RFX8: variants seen among roughly 807,000 people sequenced by gnomAD.
The protein encoded by RFX8 is regulatory factor X8, also known as DNA-binding protein RFX8.
Under a neutral mutation model 54.6 loss-of-function variants are expected in RFX8, and 46 were observed. The ratio of observed to expected loss-of-function variants is 0.84; its 90% confidence interval spans 0.67 to 1.08. The LOEUF (loss-of-function observed/expected upper bound fraction) is 1.08, where lower values mean the gene tolerates loss of function less well. Among genes scored for constraint, RFX8 ranks in the 50% least tolerant of loss-of-function variants. The pLI is 0.00. For missense variants in RFX8, 536 were observed against 562.3 expected (o/e 0.95, Z 0.47); for synonymous variants, 192 against 209.5 (o/e 0.92, Z 0.72).
chr2:101,461,143 C>T (rs1227373905), intron 2 of RFX8, among the ~76,000 whole-genome samples: 15 of 151,226 alleles, frequency 9.9e-5, no homozygotes, highest in Middle Eastern at 3.4e-3. Flanking sequence ...GTAGCGGGCA[C>T]CTGTAGTCCC....
chr2:101,447,219 C>T (rs1423920489), intron 2 of RFX8, among the ~76,000 whole-genome samples: 2 of 151,916 alleles, frequency 1.3e-5, no homozygotes, highest in African/African-American at 4.8e-5. Flanking sequence ...ATCTGAACAA[C>T]GGCAGCAGCC....
chr2:101,417,311 C>T (rs148413289), intron 6 of RFX8, among the ~76,000 whole-genome samples: 1,582 of 152,262 alleles, frequency 0.01, 75 homozygotes, highest in Admixed American at 0.082. Context: ...CTCAAGTGAT[C>T]TTCCCGCCTC....
chr2:101,420,109 T>C (rs1388104383), intron 4 of RFX8, among the ~76,000 whole-genome samples: 1 of 152,216 alleles, frequency 6.6e-6, no homozygotes, highest in African/African-American at 2.4e-5. Context: ...GCTGCCTCTC[T>C]GTTCCACGAC....
chr2:101,463,736 C>T (rs1476104790), intron 2 of RFX8, among the ~76,000 whole-genome samples: 1 of 152,146 alleles, frequency 6.6e-6, no homozygotes, highest in Non-Finnish European at 1.5e-5. Context: ...GAAATAAGAA[C>T]TATACAGCCA....
At chr2:101,464,406 T>G (rs1433176807) in intron 2 of RFX8, among the ~76,000 whole-genome samples, 1 of 152,222 alleles carries the variant, frequency 6.6e-6, no homozygotes, top group Non-Finnish European at 1.5e-5. Context: ...ACATGCCCAG[T>G]ACCGCCACAA....
At chr2:101,413,401 G>T (rs949213957) in intron 7 of RFX8, among the ~76,000 whole-genome samples, 1 of 152,148 alleles carries the variant, frequency 6.6e-6, no homozygotes, top group Non-Finnish European at 1.5e-5. Flanking sequence ...TGCAAGGAAG[G>T]TGTAGGTAGA....
intron 9 of RFX8, among the ~76,000 whole-genome samples, chr2:101,408,156 G>A (rs1376672029): frequency 6.6e-6 from 1 of 152,230 alleles, no homozygotes; most frequent in Non-Finnish European, 1.5e-5. Flanking sequence ...GGACGACAGG[G>A]TTGGTAGTGA....
Position 101,466,648 on chromosome 2 carries a change from G to A in RFX8, c.72+129C>T. On this transcript the variant is annotated intron_variant, in intron 2 of 11. Transcript: ENST00000428343. ...TTAGCTGAAGGATGTTGACCAGCTG[G>A]TGGGAAGGAAGCCAAAGATACCCAC... 9.6e-6 allele frequency: 7 copies of A among 728,082 alleles called. No individual in the cohort carries two copies. In the East Asian group the frequency reaches 1.9e-4, roughly 20 times the overall value. The allele number at this position is 728,082 out of a possible 1,614,324, so 45.1% of individuals were successfully genotyped here. A position where few individuals can be genotyped will look rare whatever the true frequency, so the allele number is the denominator to read the frequency against.
At chr2:101,404,670 G>C (rs1252891062) in intron 10 of RFX8, among the ~76,000 whole-genome samples, 1 of 151,608 alleles carries the variant, frequency 6.6e-6, no homozygotes, top group Non-Finnish European at 1.5e-5. Context: ...CAAGAGATCT[G>C]TGTCCCTCAG....
intron 8 of RFX8, among the ~76,000 whole-genome samples, chr2:101,412,342 T>C (rs1558844474): frequency 6.6e-6 from 1 of 152,186 alleles, no homozygotes; most frequent in Non-Finnish European, 1.5e-5. Flanking sequence ...GCAAGCTCTT[T>C]ATGGAAGGGG....
At chr2:101,428,675 G>A (rs1035835979) in intron 2 of RFX8, among the ~76,000 whole-genome samples, 2 of 152,180 alleles carry the variant, frequency 1.3e-5, no homozygotes, top group African/African-American at 4.8e-5. Context: ...CACATTTATT[G>A]CCAACAGCCT....
chr2:101,458,572 G>A (rs1689106815), intron 2 of RFX8, among the ~76,000 whole-genome samples: 1 of 152,204 alleles, frequency 6.6e-6, no homozygotes, highest in South Asian at 2.1e-4. Flanking sequence ...TTTCTCCCGA[G>A]AGATCTGCTG....
intron 9 of RFX8, among the ~76,000 whole-genome samples, chr2:101,408,477 C>T (rs530237579): frequency 1.7e-4 from 22 of 132,848 alleles, no homozygotes; most frequent in Non-Finnish European, 2.8e-4. Flanking sequence ...AGCGAGACTC[C>T]GTCTCAAAAA....
intron 2 of RFX8, among the ~76,000 whole-genome samples, chr2:101,426,894 T>C (rs1046344367): frequency 6.6e-6 from 1 of 152,216 alleles, no homozygotes; most frequent in Non-Finnish European, 1.5e-5. Context: ...AAATGTATCC[T>C]GTCACTCTCC....
chr2:101,407,903 A>G (rs1685839620), intron 9 of RFX8, among the ~76,000 whole-genome samples: 1 of 152,208 alleles, frequency 6.6e-6, no homozygotes, highest in African/African-American at 2.4e-5. Context: ...GCTGACTGCC[A>G]GATGCTAACT....
chr2:101,450,091 T>C (rs910763900), intron 2 of RFX8, among the ~76,000 whole-genome samples: 1 of 152,214 alleles, frequency 6.6e-6, no homozygotes, highest in African/African-American at 2.4e-5. Flanking sequence ...TGCCAGAGGC[T>C]GACAAAGGGA....
chr2:101,465,109 T>C (rs1330122857), intron 2 of RFX8, among the ~76,000 whole-genome samples: 2 of 152,150 alleles, frequency 1.3e-5, no homozygotes, highest in Non-Finnish European at 2.9e-5. Context: ...CCTAGCAAGA[T>C]GACTTGATAA....
chr2:101,466,608 A>G (rs1414121571), intron 2 of RFX8, among the ~76,000 whole-genome samples, 169 bp downstream of exon 2: 1 of 152,232 alleles, frequency 6.6e-6, no homozygotes, highest in Non-Finnish European at 1.5e-5. Context: ...AGTGGCTAAC[A>G]GGATGGCTCT....
At chr2:101,409,039 C>A (rs1382524168) in intron 9 of RFX8, among the ~76,000 whole-genome samples, 1 of 152,180 alleles carries the variant, frequency 6.6e-6, no homozygotes, top group African/African-American at 2.4e-5. Flanking sequence ...GGTAAACTCA[C>A]TCCTGCTCTT....
Sources: gnomAD v4.1 joint callset for allele counts (sites outside exome capture counted in the v4.1 genomes callset) on GRCh38, gnomAD v4.1.1 for gene constraint, MANE v1.5 for transcripts, NCBI Gene and HGNC (gene_info 2026-07-23, HGNC 2026-07-21) for gene names.